Variants in USP16 observed in about 807,000 individuals in gnomAD.
The protein encoded by USP16 is ubiquitin specific peptidase 16, also known as ubiquitin carboxyl-terminal hydrolase 16.
USP16 carries 77 observed loss-of-function variants against 95.9 expected under a neutral mutation model. The ratio of observed to expected loss-of-function variants is 0.80; its 90% confidence interval spans 0.67 to 0.97. The LOEUF is 0.97. Ranked by LOEUF, USP16 falls within the 50% of genes least tolerant of loss-of-function variation. The probability of loss-of-function intolerance (pLI) is 0.00; values close to 1 mark genes in which losing one functional copy is unlikely to be tolerated. For missense variants in USP16, 943 were observed against 959.9 expected (o/e 0.98, Z 0.23); for synonymous variants, 303 against 318.2 (o/e 0.95, Z 0.51).
At chr21:29,041,018 A>G (rs554866606) in intron 10 of USP16, among the ~76,000 whole-genome samples, 2 of 152,258 alleles carry the variant, frequency 1.3e-5, no homozygotes, top group African/African-American at 4.8e-5. Flanking sequence ...CTTAGTTCTT[A>G]TTATGTGGCG....
chr21:29,043,315 AAG>A lies in USP16; in HGVS notation c.1180-107_1180-106del, dbSNP rs1236412347. 3 of 795,988 alleles carry A rather than the reference AAG, an allele frequency of 3.8e-6. No homozygotes were observed. The Admixed American group carries it at 1.3e-4, about 34-fold the overall frequency. 49.3% of individuals were successfully genotyped at this position (795,988 alleles called of 1,614,324 possible). On this transcript the variant is annotated intron_variant, in intron 12 of 17. Transcript: ENST00000399976. ...TATTTTCAAATATTGTGGAAAAAAA[AAG>A]CTAATACATAATAGAAGTAGAAAAA...
chr21:29,033,802 A>G (rs1477220285), intron 3 of USP16, among the ~76,000 whole-genome samples: 2 of 152,212 alleles, frequency 1.3e-5, no homozygotes, highest in Non-Finnish European at 2.9e-5. Context: ...GTTTTATAGA[A>G]TTTGTTTAAA....
intron 15 of USP16, among the ~76,000 whole-genome samples, chr21:29,049,787 C>T (rs2085386497): frequency 6.6e-6 from 1 of 152,174 alleles, no homozygotes; most frequent in Non-Finnish European, 1.5e-5. Context: ...TCTCGAACTC[C>T]TGGGCTCAAG....
rs2085463144 is a variant in USP16, at chr21:29,054,352, A to G, written c.*165A>G. 2 of 934,292 alleles carry G rather than the reference A, an allele frequency of 2.1e-6. No homozygotes were observed. The highest frequency in any genetic ancestry group is 2.7e-5 in the East Asian group (1 of 37,246). 57.9% of individuals were successfully genotyped at this position (934,292 alleles called of 1,614,324 possible). The stretch of plus-strand genomic sequence containing the variant: ...AAGGGAAAAATACCTAAAAATGTAC[A>G]AAGGTTTTATATTGTCATAGTGGTT... On this transcript the variant is annotated 3_prime_UTR_variant, in exon 18 of 18. Coordinates refer to ENST00000399976, the MANE Select transcript of USP16 (RefSeq NM_006447.3).
rs1249602307 is a variant in USP16 at position 29,050,168 on chromosome 21, T to C, written c.2183T>C (p.Leu728Pro). 2 of 1,613,296 alleles carry C rather than the reference T, an allele frequency of 1.2e-6. No homozygotes were observed. The highest frequency in any genetic ancestry group is 2.2e-5 in the South Asian group (2 of 90,906). The change falls in exon 16 of 18, where the codon CTT (leucine) becomes CCT (proline). Residue 728 changes from leucine (L) to proline (P), a missense_variant. Coordinates refer to ENST00000399976, the MANE Select transcript of USP16 (RefSeq NM_006447.3). ...TTAGATTTGGCTCCTTTTTGCACCC[T>C]TAAATGTAAGGTAAGTCAAAGTGGT... The part of the protein sequence containing the change: ...EILDLAPFCT[L>P]KCKNVAEENT...
At chr21:29,052,641 A>G (rs2085433108) in intron 16 of USP16, 1 of 152,228 alleles carries the variant, frequency 6.6e-6, no homozygotes, top group African/African-American at 2.4e-5. Flanking sequence ...AATGAAGCCA[A>G]AAGTCTTCAT....
Position 29,054,285 on chromosome 21 carries a change from A to G in USP16, c.*98A>G. The stretch of plus-strand genomic sequence containing the variant: ...CTAATTAAAATCATGTTCACTTAAC[A>G]TTAAATACATGCCAGAAGAAATCAT... On this transcript the variant is annotated 3_prime_UTR_variant, in exon 18 of 18. Coordinates refer to ENST00000399976, the MANE Select transcript of USP16 (RefSeq NM_006447.3). The G allele has an allele frequency of 1.5e-6, 2 of 1,359,616 alleles. No individual in the cohort carries two copies. Among genetic ancestry groups the G allele is most frequent in the Non-Finnish European group, 2.0e-6 (2 of 992,944 alleles). 84.2% of individuals were successfully genotyped at this position (1,359,616 alleles called of 1,614,324 possible).
intron 8 of USP16, 134 bp downstream of exon 8, chr21:29,039,290 T>C (rs1601056970): frequency 4.4e-6 from 5 of 1,140,360 alleles, no homozygotes; most frequent in East Asian, 5.9e-5. Flanking sequence ...AAGGCATAGT[T>C]TTTTTTCATT....
At chr21:29,049,228 A>G (rs2085377366) in intron 15 of USP16, among the ~76,000 whole-genome samples, 1 of 152,192 alleles carries the variant, frequency 6.6e-6, no homozygotes, top group African/African-American at 2.4e-5. Context: ...TGATAAAAAG[A>G]CATTGGTGCC....
chr21:29,029,035 G>A (rs543843262), intron 2 of USP16, among the ~76,000 whole-genome samples: 36 of 152,278 alleles, frequency 2.4e-4, no homozygotes, highest in South Asian at 1.9e-3. Flanking sequence ...CCCTATTAGC[G>A]TAGTAAAGTG....
Position 29,053,965 on chromosome 21 carries a change from T to A in USP16, c.2350+7T>A. 1 of 1,613,934 alleles carries A rather than the reference T, an allele frequency of 6.2e-7. No homozygotes were observed. Among genetic ancestry groups the A allele is most frequent in the Non-Finnish European group, 8.5e-7 (1 of 1,179,790 alleles). On this transcript the variant is annotated splice_region_variant and intron_variant, in intron 17 of 17. Coordinates refer to ENST00000399976, the MANE Select transcript of USP16 (RefSeq NM_006447.3). Reference sequence around the variant, plus strand: ...CACGGTGATATTCCACAAGGTAAGATGTCTTGGAAAATTCAGGCACTCAGC... The same window carrying A: ...CACGGTGATATTCCACAAGGTAAGAAGTCTTGGAAAATTCAGGCACTCAGC...
intron 12 of USP16, 162 bp downstream of exon 12, chr21:29,042,690 G>C (rs1177002351): frequency 7.3e-6 from 4 of 551,702 alleles, no homozygotes; most frequent in Admixed American, 3.9e-5. Context: ...TAAAGAACAG[G>C]GTAACTACTT....
chr21:29,049,280 A>T lies in USP16; in HGVS notation c.2106+425A>T, dbSNP rs539897459. ...TTGGTGACCTCATCTTTTCTGGAAA[A>T]CTTTTGCTATAGCTGTATAACTTCT... On this transcript the variant is annotated intron_variant, in intron 15 of 17. Transcript: ENST00000399976. 8.5e-5 allele frequency among the ~76,000 whole-genome samples: 13 copies of T among 152,242 alleles called. No homozygotes were observed. In the South Asian group the frequency reaches 2.3e-3, roughly 27 times the overall value.
chr21:29,039,645 A>C, intron 9 of USP16, 77 bp downstream of exon 9: 1 of 1,382,224 alleles, frequency 7.2e-7, no homozygotes, highest in Non-Finnish European at 9.8e-7. Flanking sequence ...CTTACGAGTT[A>C]AAACAATGAA....
At position 29,043,556 on chromosome 21, in the gene USP16, A is replaced by T. The variant is rs143780328; in HGVS notation, c.1313A>T (p.His438Leu). Reference sequence around the variant, plus strand: ...GATATTCCTTCTGGAACAAGTAAGCACTTACAGAAAAAAGCAAAGAAACAA... The same window carrying T: ...GATATTCCTTCTGGAACAAGTAAGCTCTTACAGAAAAAAGCAAAGAAACAA... ...RSDIPSGTSK[H>L]LQKKAKKQAK... The change falls in exon 13 of 18, where the codon CAC becomes CTC. Residue 438 changes from histidine (H) to leucine (L), a missense_variant. By Grantham distance (99) the His-to-Leu change is moderately conservative. Transcript: ENST00000399976. 6.4e-7 allele frequency: 1 copy of T among 1,574,326 alleles called. No homozygotes were observed. Among genetic ancestry groups the T allele is most frequent in the Non-Finnish European group, 8.6e-7 (1 of 1,166,470 alleles).
chr21:29,046,552 C>A, intron 13 of USP16, 115 bp from the exon 14 acceptor site: 2 of 1,112,662 alleles, frequency 1.8e-6, no homozygotes, highest in South Asian at 1.7e-5. Context: ...TGACAAGCAG[C>A]AAAACTGGAT....
chr21:29,040,695 C>T lies in USP16; in HGVS notation c.1030+8C>T, dbSNP rs1331928330. 6.7e-7 allele frequency: 1 copy of T among 1,485,946 alleles called. No individual in the cohort carries two copies. The highest frequency in any genetic ancestry group is 9.2e-7 in the Non-Finnish European group (1 of 1,083,058). The allele number at this position is 1,485,946 out of a possible 1,614,324, so 92.0% of individuals were successfully genotyped here. A position where few individuals can be genotyped will look rare whatever the true frequency, so the allele number is the denominator to read the frequency against. On this transcript the variant is annotated splice_region_variant and intron_variant, in intron 10 of 17. Coordinates refer to ENST00000399976, the MANE Select transcript of USP16 (RefSeq NM_006447.3). ...TAAAAAATAAAGTTAAAGGTAATGT[C>T]TGACTTTTTGAACTAAAACACTATA...
intron 2 of USP16, among the ~76,000 whole-genome samples, chr21:29,028,253 G>C (rs1382661896): frequency 6.7e-6 from 1 of 149,516 alleles, no homozygotes; most frequent in East Asian, 2.0e-4. Context: ...CCTCTGAGTA[G>C]CTGGGATTAC....
At chr21:29,043,794 T>G (rs2085280552) in intron 13 of USP16, among the ~76,000 whole-genome samples, 195 bp downstream of exon 13, 2 of 152,216 alleles carry the variant, frequency 1.3e-5, no homozygotes, top group South Asian at 4.1e-4. Context: ...AACGTCGTGC[T>G]TCTTTTTTTT....
Sources: gnomAD v4.1 joint callset for allele counts (sites outside exome capture counted in the v4.1 genomes callset) on GRCh38, gnomAD v4.1.1 for gene constraint, MANE v1.5 for transcripts, NCBI Gene and HGNC (gene_info 2026-07-23, HGNC 2026-07-21) for gene names.